RYR2: variants seen among roughly 807,000 people sequenced by gnomAD.
The protein encoded by RYR2 is ryanodine receptor 2.
RYR2 carries 227 observed loss-of-function variants against 601.1 expected under a neutral mutation model. The ratio of observed to expected loss-of-function variants is 0.38; its 90% CI spans 0.34 to 0.42. The LOEUF (loss-of-function observed/expected upper bound fraction) is 0.42. Ranked by LOEUF, RYR2 falls within the 10% of genes least tolerant of loss-of-function variation. The pLI is 1.00. For missense variants in RYR2, 4,646 were observed against 6,156.5 expected (o/e 0.75, Z 8.21); for synonymous variants, 2,223 against 2,175.1 (o/e 1.02, Z -0.61).
chr1:237,170,884 C>T (rs779280103), intron 1 of RYR2, among the ~76,000 whole-genome samples: 3 of 152,056 alleles, frequency 2.0e-5, no homozygotes, highest in East Asian at 1.9e-4. Flanking sequence ...TAGGCATCTG[C>T]GTGACACCAG....
At chr1:237,553,612 A>G (rs2618653) in intron 27 of RYR2, among the ~76,000 whole-genome samples, 127,744 of 151,908 alleles carry the variant, frequency 0.84, 56,235 homozygotes, top group South Asian at 0.96. Flanking sequence ...AGTTGAATTC[A>G]TAGGTCAGTT....
chr1:237,623,892 G>A (rs995226856), intron 39 of RYR2, 22 bp downstream of exon 39: 35 of 1,467,520 alleles, frequency 2.4e-5, no homozygotes, highest in Non-Finnish European at 3.1e-5. Context: ...TTGATTAAAA[G>A]CTTTTATTAA....
intron 1 of RYR2, among the ~76,000 whole-genome samples, chr1:237,109,777 A>G (rs1669236136): frequency 6.6e-6 from 1 of 152,124 alleles, no homozygotes; most frequent in Non-Finnish European, 1.5e-5. Context: ...ACGGAAATTT[A>G]CATGATTGCC....
At chr1:237,827,665 A>G (rs766962978) in intron 101 of RYR2, among the ~76,000 whole-genome samples, 41 of 146,378 alleles carry the variant, frequency 2.8e-4, no homozygotes, top group African/African-American at 6.9e-4. Context: ...TTGACTGGGC[A>G]TGGTGGCTCA....
intron 1 of RYR2, among the ~76,000 whole-genome samples, chr1:237,239,053 T>G: frequency 6.6e-6 from 1 of 152,212 alleles, no homozygotes; most frequent in Admixed American, 6.5e-5. Context: ...ACATATATTT[T>G]AAACAATTAA....
Position 237,246,912 on chromosome 1 carries a change from T to TA in RYR2, c.49-23581dup, listed in dbSNP as rs558876364. On this transcript the variant is annotated intron_variant, in intron 1 of 104. Coordinates refer to ENST00000366574, the MANE Select transcript of RYR2 (RefSeq NM_001035.3). ...AAATTCACTCATGAAATAGAGAACC[T>TA]AAAACATTTGATTGTCAATTTTAGT... Among the ~76,000 whole-genome samples, 724 of 152,342 alleles carry TA rather than the reference T, an allele frequency of 4.8e-3. 9 individuals carry two copies. Among genetic ancestry groups the TA allele is most frequent in the African/African-American group, 0.016 (657 of 41,582 alleles).
At chr1:237,456,561 G>C (rs773469051) in intron 15 of RYR2, 39 bp from the exon 16 acceptor site, 1 of 1,448,690 alleles carries the variant, frequency 6.9e-7, no homozygotes, top group Non-Finnish European at 9.1e-7. Context: ...GACAGTTTTG[G>C]ATGTCTGATT....
At chr1:237,197,992 G>A (rs1680752286) in intron 1 of RYR2, among the ~76,000 whole-genome samples, 1 of 152,162 alleles carries the variant, frequency 6.6e-6, no homozygotes, top group Non-Finnish European at 1.5e-5. Flanking sequence ...GGAAGGAAAT[G>A]GAACAGGAAC....
At chr1:237,381,228 G>A (rs1019238793) in intron 8 of RYR2, among the ~76,000 whole-genome samples, 1 of 132,622 alleles carries the variant, frequency 7.5e-6, no homozygotes, top group Non-Finnish European at 1.5e-5. Flanking sequence ...CTCCAGCCTA[G>A]GTGACAGAAC....
intron 66 of RYR2, among the ~76,000 whole-genome samples, chr1:237,704,415 T>C (rs1055754978): frequency 6.6e-6 from 1 of 152,190 alleles, no homozygotes; most frequent in Non-Finnish European, 1.5e-5. Context: ...AAAACCATCA[T>C]GTAAAGTAAT....
chr1:237,640,805 C>A, intron 46 of RYR2, 92 bp from the exon 47 acceptor site: 1 of 960,344 alleles, frequency 1.0e-6, no homozygotes, highest in Non-Finnish European at 1.6e-6. Context: ...AATGTGTTAC[C>A]TAGTAGTCCC....
chr1:237,644,233 T>G (rs1363501307), intron 48 of RYR2, among the ~76,000 whole-genome samples: 2 of 152,172 alleles, frequency 1.3e-5, no homozygotes, highest in African/African-American at 4.8e-5. Context: ...GTTGTTTTTT[T>G]GGTTTTTTGT....
intron 2 of RYR2, among the ~76,000 whole-genome samples, chr1:237,296,088 G>C (rs1692753898): frequency 1.3e-5 from 2 of 152,194 alleles, no homozygotes; most frequent in Admixed American, 6.5e-5. Flanking sequence ...CTTAGAGAGA[G>C]AAGCATTGAA....
At chr1:237,611,850 T>C (rs1677905285) in intron 36 of RYR2, among the ~76,000 whole-genome samples, 1 of 152,208 alleles carries the variant, frequency 6.6e-6, no homozygotes, top group South Asian at 2.1e-4. Context: ...ACCTATGCTT[T>C]GGAAAACAGT....
At chr1:237,469,271 A>AG in intron 17 of RYR2, 84 bp downstream of exon 17, 1 of 794,446 alleles carries the variant, frequency 1.3e-6, no homozygotes, top group Middle Eastern at 2.6e-4. Flanking sequence ...AAAAAAAAAA[A>AG]AAAAAAAACA....
In RYR2 at chr1:237,651,485, C is replaced by G. The variant is rs752607318; in HGVS notation, c.7808C>G (p.Ala2603Gly). 3 of 1,564,582 alleles carry G rather than the reference C, an allele frequency of 1.9e-6. No individual in the cohort carries two copies. Among genetic ancestry groups the G allele is most frequent in the East Asian group, 2.3e-5 (1 of 43,296 alleles). Residue 2603 changes from alanine to glycine, a missense_variant, in exon 51 of 105, where the codon GCA (alanine) becomes GGA (glycine). Physicochemically the swap from Ala to Gly is moderately conservative, Grantham distance 60 (BLOSUM62 0). Around this residue, in one of 17 missense-constraint regions of RYR2, gnomAD observed 1,497 missense variants for 1,842.6 expected, o/e 0.81. Coordinates refer to ENST00000366574, the MANE Select transcript of RYR2 (RefSeq NM_001035.3). Reference sequence around the variant, plus strand: ...GATGTTCCATTATTAAATGAACACGCAAAGATGCCTCTTAAAGTAAGTATA... The same window carrying G: ...GATGTTCCATTATTAAATGAACACGGAAAGATGCCTCTTAAAGTAAGTATA... ...VFDVPLLNEH[A>G]KMPLKLLTNH... is the part of the protein sequence containing the mutation.
intron 1 of RYR2, among the ~76,000 whole-genome samples, chr1:237,151,139 G>T (rs1674665784): frequency 6.6e-6 from 1 of 152,106 alleles, no homozygotes; most frequent in Admixed American, 6.5e-5. Context: ...ATTTAATTTT[G>T]CATTAGGAGT....
chr1:237,231,777 A>G (rs1299659751), intron 1 of RYR2, among the ~76,000 whole-genome samples: 3 of 152,178 alleles, frequency 2.0e-5, no homozygotes, highest in Admixed American at 2.0e-4. Context: ...TCATGGCCTA[A>G]GCAAGTAGCA....
intron 1 of RYR2, among the ~76,000 whole-genome samples, chr1:237,093,499 G>A (rs999391778): frequency 1.3e-5 from 2 of 152,180 alleles, no homozygotes; most frequent in Non-Finnish European, 2.9e-5. Context: ...GCCCCAGGGG[G>A]CTTCTGCAAG....
Sources: gnomAD v4.1 joint callset for allele counts (sites outside exome capture counted in the v4.1 genomes callset) on GRCh38, gnomAD v4.1.1 for gene constraint, gnomAD v4.1.1 regional missense constraint, MANE v1.5 for transcripts, NCBI Gene and HGNC (gene_info 2026-07-23, HGNC 2026-07-21) for gene names.